ADAMTS5: variants seen among roughly 807,000 people sequenced by gnomAD.
ADAMTS5 encodes the protein ADAM metallopeptidase with thrombospondin type 1 motif 5, also known as A disintegrin and metalloproteinase with thrombospondin motifs 5.
Under a neutral mutation model 81.4 loss-of-function variants are expected in ADAMTS5, and 54 were observed. That is an observed-to-expected ratio of 0.66 (90% CI 0.53 to 0.83). ADAMTS5 has a LOEUF of 0.83. ADAMTS5 is among the 40% of genes least tolerant of loss of function. ADAMTS5 has a pLI of 0.00. For missense variants in ADAMTS5, 1,194 were observed against 1,229.9 expected (o/e 0.97, Z 0.44); for synonymous variants, 532 against 508.8 (o/e 1.05, Z -0.61).
intron 7 of ADAMTS5, among the ~76,000 whole-genome samples, chr21:26,925,820 G>A (rs577159675): frequency 7.2e-5 from 11 of 152,320 alleles, no homozygotes; most frequent in African/African-American, 2.4e-4. Flanking sequence ...AGGGCAATCT[G>A]TTCTACAGTG....
intron 1 of ADAMTS5, among the ~76,000 whole-genome samples, chr21:26,963,156 T>C (rs914036952): frequency 2.6e-5 from 4 of 152,034 alleles, no homozygotes; most frequent in Non-Finnish European, 5.9e-5. Flanking sequence ...TTTCCATGTG[T>C]AGACTAGTTT....
At chr21:26,947,438 T>TC (rs1987236939) in intron 2 of ADAMTS5, among the ~76,000 whole-genome samples, 1 of 151,964 alleles carries the variant, frequency 6.6e-6, no homozygotes, top group Non-Finnish European at 1.5e-5. Flanking sequence ...TTTTTCTTTT[T>TC]CTTTTTTTTT....
At position 26,966,599 on chromosome 21, in the gene ADAMTS5, A is replaced by T. The variant is rs1987681925; in HGVS notation, c.-208T>A. The stretch of plus-strand genomic sequence containing the variant: ...CGAACTTTTCTTTGTTGCTTGGGAA[A>T]ATGTTTGGATTCGTGCTCCAGAAAG... On this transcript the variant is annotated 5_prime_UTR_variant, in exon 1 of 8. Transcript: ENST00000284987. 1.5e-5 allele frequency: 2 copies of T among 136,854 alleles called. No individual in the cohort carries two copies. Among genetic ancestry groups the T allele is most frequent in the African/African-American group, 3.4e-5 (1 of 29,342 alleles). The allele number at this position is 136,854 out of a possible 1,614,324, so 8.5% of individuals were successfully genotyped here. A position where few individuals can be genotyped will look rare whatever the true frequency, so the allele number is the denominator to read the frequency against.
At chr21:26,935,455 AGTT>A (rs1285619966) in intron 3 of ADAMTS5, among the ~76,000 whole-genome samples, 1 of 152,206 alleles carries the variant, frequency 6.6e-6, no homozygotes, top group Non-Finnish European at 1.5e-5. Flanking sequence ...TTTAATAAAA[AGTT>A]TTCAAGATTC....
intron 1 of ADAMTS5, among the ~76,000 whole-genome samples, chr21:26,957,799 G>A (rs1029744819): frequency 6.6e-6 from 1 of 152,180 alleles, no homozygotes; most frequent in African/African-American, 2.4e-5. Flanking sequence ...TAACTCAGAA[G>A]TGTATTCATG....
chr21:26,964,004 G>A (rs947887190), intron 1 of ADAMTS5, among the ~76,000 whole-genome samples: 7 of 152,114 alleles, frequency 4.6e-5, no homozygotes, highest in African/African-American at 1.7e-4. Context: ...GGGTGCCTTA[G>A]TAAAAATAGA....
intron 1 of ADAMTS5, among the ~76,000 whole-genome samples, chr21:26,961,960 C>T (rs1380260530): frequency 6.6e-6 from 1 of 152,154 alleles, no homozygotes; most frequent in Non-Finnish European, 1.5e-5. Context: ...GACCCGGTCC[C>T]AGCAATCTAA....
intron 2 of ADAMTS5, among the ~76,000 whole-genome samples, chr21:26,946,127 G>A (rs567643146): frequency 1.3e-5 from 2 of 152,288 alleles, no homozygotes; most frequent in East Asian, 1.9e-4. Flanking sequence ...AGGGCATGGC[G>A]AGAGAACCGC....
At chr21:26,949,642 C>T (rs1378601203) in intron 2 of ADAMTS5, among the ~76,000 whole-genome samples, 1 of 152,130 alleles carries the variant, frequency 6.6e-6, no homozygotes, top group East Asian at 1.9e-4. Flanking sequence ...ATAGGTTTCT[C>T]CCTAGAGAAA....
intron 2 of ADAMTS5, among the ~76,000 whole-genome samples, chr21:26,948,454 A>G (rs148538418): frequency 6.6e-6 from 1 of 152,336 alleles, no homozygotes; most frequent in African/African-American, 2.4e-5. Flanking sequence ...TAATGAGGTC[A>G]TGTTTTTATT....
chr21:26,945,608 G>C (rs904394520), intron 2 of ADAMTS5, among the ~76,000 whole-genome samples: 18 of 152,008 alleles, frequency 1.2e-4, no homozygotes, highest in Non-Finnish European at 2.5e-4. Context: ...TCACTTTGAG[G>C]GACCTGAGAA....
At chr21:26,955,624 C>A (rs2123201834) in intron 1 of ADAMTS5, among the ~76,000 whole-genome samples, 1 of 152,194 alleles carries the variant, frequency 6.6e-6, no homozygotes, top group East Asian at 1.9e-4. Context: ...GAAAAATGAT[C>A]AATTTAGATG....
chr21:26,945,736 A>C (rs1276420972), intron 2 of ADAMTS5, among the ~76,000 whole-genome samples: 1 of 152,182 alleles, frequency 6.6e-6, no homozygotes, highest in Admixed American at 6.5e-5. Context: ...CTTTTGGAAT[A>C]CTAGTTAATA....
intron 2 of ADAMTS5, among the ~76,000 whole-genome samples, chr21:26,946,740 A>T (rs1416430233): frequency 6.6e-6 from 1 of 152,210 alleles, no homozygotes; most frequent in Non-Finnish European, 1.5e-5. Context: ...TTTGTTGTTT[A>T]CATCAAATTG....
At chr21:26,940,605 T>G (rs1987095827) in intron 3 of ADAMTS5, among the ~76,000 whole-genome samples, 1 of 152,162 alleles carries the variant, frequency 6.6e-6, no homozygotes, top group South Asian at 2.1e-4. Context: ...TTAAAAAAAT[T>G]GAGTGGCCTA....
chr21:26,938,586 G>C (rs990409220), intron 3 of ADAMTS5, among the ~76,000 whole-genome samples: 11 of 152,226 alleles, frequency 7.2e-5, no homozygotes, highest in African/African-American at 2.4e-4. Context: ...CTGGAGTGCA[G>C]TGGTGCAATC....
chr21:26,930,239 T>G (rs7281968), intron 6 of ADAMTS5, among the ~76,000 whole-genome samples, 178 bp from the exon 7 acceptor site: 47,860 of 151,904 alleles, frequency 0.32, 8,067 homozygotes, highest in South Asian at 0.46. Flanking sequence ...AAAATCCTTG[T>G]CATATTGCCA....
chr21:26,946,650 A>C (rs1201564410), intron 2 of ADAMTS5, among the ~76,000 whole-genome samples: 1 of 152,202 alleles, frequency 6.6e-6, no homozygotes, highest in East Asian at 1.9e-4. Context: ...ATAGGATTAG[A>C]TATCCCTGTC....
At chr21:26,953,050 T>C (rs1568849819) in intron 2 of ADAMTS5, among the ~76,000 whole-genome samples, 1 of 152,250 alleles carries the variant, frequency 6.6e-6, no homozygotes, top group Non-Finnish European at 1.5e-5. Flanking sequence ...TAAGGATTAA[T>C]AGGCATAAAT....
Sources: allele counts gnomAD v4.1 joint callset (sites outside exome capture counted in the v4.1 genomes callset), GRCh38; gene constraint gnomAD v4.1.1; transcripts MANE v1.5; gene names NCBI Gene and HGNC (gene_info 2026-07-23, HGNC 2026-07-21).